The following LRRC3B variants were observed in gnomAD, a reference collection of about 807,000 sequenced individuals.
LRRC3B encodes the protein leucine rich repeat containing 3B.
A neutral mutation model predicts 12.8 loss-of-function variants in LRRC3B; 2 were observed. The observed-to-expected ratio is 0.16, with a 90% CI of 0.06 to 0.49. The LOEUF (loss-of-function observed/expected upper bound fraction) is 0.49. Among genes scored for constraint, LRRC3B ranks in the 20% least tolerant of loss-of-function variants. The pLI is 0.96. For synonymous variants in LRRC3B, 132 were observed against 122.0 expected (o/e 1.08, Z -0.54); for missense variants, 189 against 319.4 (o/e 0.59, Z 3.11).
chr3:26,693,760 A>G (rs1303788020), intron 1 of LRRC3B, among the ~76,000 whole-genome samples: 9 of 152,188 alleles, frequency 5.9e-5, no homozygotes, highest in African/African-American at 9.6e-5. Context: ...GCCTAATTCC[A>G]AAGTCCTTTA....
intron 1 of LRRC3B, among the ~76,000 whole-genome samples, chr3:26,640,745 C>T (rs779217939): frequency 6.6e-6 from 1 of 152,116 alleles, no homozygotes. Flanking sequence ...TGGAGTTCTG[C>T]ATGGCATGCT....
intron 1 of LRRC3B, among the ~76,000 whole-genome samples, chr3:26,666,104 G>C (rs1263768153): frequency 6.6e-6 from 1 of 151,888 alleles, no homozygotes; most frequent in Non-Finnish European, 1.5e-5. Context: ...GGAGAAAAGA[G>C]GATTTATGTC....
At position 26,694,585 on chromosome 3, in the gene LRRC3B, A is replaced by C. The variant is rs541596719; in HGVS notation, c.-160-14928A>C. 3 of 152,384 alleles carry C rather than the reference A, an allele frequency of 2.0e-5. No homozygotes were observed. In the East Asian group the frequency reaches 5.8e-4, roughly 29 times the overall value. The allele number at this position is 152,384 out of a possible 1,614,324, so 9.4% of individuals were successfully genotyped here. A position where few individuals can be genotyped will look rare whatever the true frequency, so the allele number is the denominator to read the frequency against. Reference sequence around the variant, plus strand: ...AACCACATCGGAAATCAATGAAATAAGCATTATTCTTAGTTCTAGTTGAGG... The same window carrying C: ...AACCACATCGGAAATCAATGAAATACGCATTATTCTTAGTTCTAGTTGAGG... On this transcript the variant is annotated intron_variant, in intron 1 of 1. Transcript: ENST00000396641.
At chr3:26,630,908 G>A (rs918578533) in intron 1 of LRRC3B, among the ~76,000 whole-genome samples, 3 of 152,114 alleles carry the variant, frequency 2.0e-5, no homozygotes, top group Admixed American at 1.3e-4. Flanking sequence ...TATAAATCAG[G>A]ACAGGCCCGG....
intron 1 of LRRC3B, among the ~76,000 whole-genome samples, chr3:26,633,192 C>T (rs1415746406): frequency 1.3e-5 from 2 of 152,056 alleles, no homozygotes. Flanking sequence ...CCCTTTCTTC[C>T]ATCTAATTAT....
At chr3:26,678,495 A>G (rs548718035) in intron 1 of LRRC3B, among the ~76,000 whole-genome samples, 2 of 127,276 alleles carry the variant, frequency 1.6e-5, no homozygotes, top group East Asian at 4.7e-4. Flanking sequence ...CCCTGTCTCA[A>G]AAAACGAAAA....
chr3:26,623,496 C>T (rs970285946), intron 1 of LRRC3B, among the ~76,000 whole-genome samples: 1 of 152,170 alleles, frequency 6.6e-6, no homozygotes, highest in Non-Finnish European at 1.5e-5. Flanking sequence ...CTTCCCTGCG[C>T]GGTGCTCACC....
intron 1 of LRRC3B, among the ~76,000 whole-genome samples, chr3:26,636,820 C>CCCTG (rs1312548612): frequency 0.03 from 2,187 of 71,972 alleles, 117 homozygotes; most frequent in Non-Finnish European, 0.037. Flanking sequence ...CTCCCTCCCT[C>CCCTG]CCTCCCTCCC....
At chr3:26,671,181 A>G (rs1245879575) in intron 1 of LRRC3B, among the ~76,000 whole-genome samples, 2 of 140,754 alleles carry the variant, frequency 1.4e-5, no homozygotes, top group East Asian at 4.3e-4. Context: ...ACGCCCGGCT[A>G]ATTTTTTGTA....
intron 1 of LRRC3B, among the ~76,000 whole-genome samples, chr3:26,645,444 C>T (rs950348053): frequency 4.6e-5 from 7 of 152,120 alleles, no homozygotes; most frequent in African/African-American, 7.2e-5. Flanking sequence ...TTCATAGTGA[C>T]TGCCTGGATT....
At chr3:26,653,035 G>A (rs538296254) in intron 1 of LRRC3B, among the ~76,000 whole-genome samples, 19 of 151,590 alleles carry the variant, frequency 1.3e-4, no homozygotes, top group African/African-American at 4.6e-4. Flanking sequence ...AGATGACAGT[G>A]CCCCCTAGTA....
intron 1 of LRRC3B, among the ~76,000 whole-genome samples, chr3:26,682,279 GT>G (rs1033790502): frequency 2.0e-5 from 3 of 151,844 alleles, no homozygotes; most frequent in South Asian, 2.1e-4. Flanking sequence ...AGCTCCTTTT[GT>G]TTTTTTTACA....
chr3:26,643,501 TCCAC>T (rs1425360042), intron 1 of LRRC3B, among the ~76,000 whole-genome samples: 4 of 152,096 alleles, frequency 2.6e-5, no homozygotes, highest in African/African-American at 4.8e-5. Context: ...CTCCCAGTTT[TCCAC>T]CCACCCACCA....
chr3:26,692,242 G>A (rs1165011456), intron 1 of LRRC3B, among the ~76,000 whole-genome samples: 3 of 152,216 alleles, frequency 2.0e-5, no homozygotes, highest in Non-Finnish European at 4.4e-5. Flanking sequence ...TGGAGAAACT[G>A]AGTAAGGCAA....
chr3:26,627,980 T>G (rs1344527717), intron 1 of LRRC3B, among the ~76,000 whole-genome samples: 1 of 152,172 alleles, frequency 6.6e-6, no homozygotes, highest in Non-Finnish European at 1.5e-5. Context: ...CTTTGGAACC[T>G]GGGCAGACAT....
chr3:26,671,011 CT>C (rs762788262), intron 1 of LRRC3B, among the ~76,000 whole-genome samples: 117 of 95,552 alleles, frequency 1.2e-3, no homozygotes, highest in East Asian at 8.0e-3. Flanking sequence ...TCTCATGTAT[CT>C]TTTTTTTTTT....
chr3:26,657,079 T>A (rs931327154), intron 1 of LRRC3B, among the ~76,000 whole-genome samples: 1 of 152,202 alleles, frequency 6.6e-6, no homozygotes, highest in African/African-American at 2.4e-5. Flanking sequence ...TATGATACAG[T>A]TTTTAAAAAT....
intron 1 of LRRC3B, among the ~76,000 whole-genome samples, chr3:26,670,261 G>C (rs1192978547): frequency 3.9e-5 from 6 of 152,190 alleles, no homozygotes; most frequent in African/African-American, 1.4e-4. Context: ...ATGAGAGAGA[G>C]ATGAAGCAGT....
intron 1 of LRRC3B, among the ~76,000 whole-genome samples, chr3:26,682,229 G>T (rs763627153): frequency 1.8e-4 from 28 of 152,090 alleles, no homozygotes; most frequent in Non-Finnish European, 2.8e-4. Flanking sequence ...CTTGCCAATA[G>T]CTTTGTAGCT....
Sources: gnomAD v4.1 joint callset for allele counts (sites outside exome capture counted in the v4.1 genomes callset) on GRCh38, gnomAD v4.1.1 for gene constraint, MANE v1.5 for transcripts, NCBI Gene and HGNC (gene_info 2026-07-23, HGNC 2026-07-21) for gene names.